KCNC2: variants seen among roughly 807,000 people sequenced by gnomAD.
KCNC2 encodes the protein voltage-gated potassium channel KCNC2.
In KCNC2, 21 loss-of-function variants were observed where a neutral mutation model predicts 44.5. The observed-to-expected ratio is 0.47, with a 90% confidence interval of 0.33 to 0.68. The LOEUF is 0.68. Among genes scored for constraint, KCNC2 ranks in the 30% least tolerant of loss-of-function variants. The probability of loss-of-function intolerance (pLI) is 0.01; values close to 1 mark genes in which losing one functional copy is unlikely to be tolerated. For missense variants in KCNC2, 589 were observed against 826.2 expected, an observed-to-expected ratio of 0.71 and a Z score of 3.52; for synonymous variants, 391 against 339.1, an observed-to-expected ratio of 1.15 and a Z score of -1.68.
intron 2 of KCNC2, among the ~76,000 whole-genome samples, chr12:75,091,257 A>C (rs1885448924): frequency 6.6e-6 from 1 of 151,766 alleles, no homozygotes; most frequent in African/African-American, 2.4e-5. Flanking sequence ...ATTATCCTTC[A>C]TTTGAATTTT....
At chr12:75,094,060 T>C (rs949408678) in intron 2 of KCNC2, among the ~76,000 whole-genome samples, 1 of 151,670 alleles carries the variant, frequency 6.6e-6, no homozygotes, top group Non-Finnish European at 1.5e-5. Flanking sequence ...GGCAAATTCT[T>C]GCTTCCCCTT....
rs566421773 is a variant in KCNC2 at position 75,041,714 on chromosome 12, G to A, written c.*1391C>T. ...CTAGGTAGTAGAAACTGACACTGCA[G>A]CAGGCAACCAAGTGCAATGGTGAAA... is the stretch of plus-strand genomic sequence containing the variant. On this transcript the variant is annotated 3_prime_UTR_variant, in exon 5 of 5. Coordinates refer to ENST00000549446, the MANE Select transcript of KCNC2 (RefSeq NM_139137.4). 49 of 993,020 alleles carry A rather than the reference G, an allele frequency of 4.9e-5. No homozygotes were observed. The African/African-American group carries it at 8.5e-4, about 17-fold the overall frequency. 61.5% of individuals were successfully genotyped at this position (993,020 alleles called of 1,614,324 possible).
intron 2 of KCNC2, among the ~76,000 whole-genome samples, chr12:75,108,561 A>G (rs1221862301): frequency 6.6e-6 from 1 of 152,210 alleles, no homozygotes; most frequent in Non-Finnish European, 1.5e-5. Flanking sequence ...CAAGTTCAGA[A>G]TTGGGACTAC....
intron 2 of KCNC2, among the ~76,000 whole-genome samples, chr12:75,181,224 G>GA (rs896128770): frequency 2.8e-4 from 42 of 151,456 alleles, no homozygotes; most frequent in Middle Eastern, 3.4e-3. Context: ...GAAATGAAAG[G>GA]AAAAAAAACA....
At chr12:75,046,864 G>A (rs891456410) in intron 4 of KCNC2, among the ~76,000 whole-genome samples, 4 of 151,856 alleles carry the variant, frequency 2.6e-5, no homozygotes, top group African/African-American at 4.8e-5. Flanking sequence ...TCTCTTTTAA[G>A]TCTCAAAGGC....
At chr12:75,059,840 T>G (rs1882129739) in intron 2 of KCNC2, among the ~76,000 whole-genome samples, 1 of 152,132 alleles carries the variant, frequency 6.6e-6, no homozygotes, top group African/African-American at 2.4e-5. Context: ...GTCATAGAGA[T>G]CTACAATAAT....
chr12:75,131,620 T>A (rs1157413714), intron 2 of KCNC2, among the ~76,000 whole-genome samples: 1 of 151,884 alleles, frequency 6.6e-6, no homozygotes, highest in African/African-American at 2.4e-5. Flanking sequence ...GAAAGAAAAG[T>A]TAAAAAAATT....
chr12:75,089,494 C>A (rs1885298316), intron 2 of KCNC2, among the ~76,000 whole-genome samples: 3 of 151,814 alleles, frequency 2.0e-5, no homozygotes, highest in Admixed American at 6.6e-5. Context: ...AAAATACAAT[C>A]CACCTATATT....
chr12:75,077,443 T>G (rs922278242), intron 2 of KCNC2, among the ~76,000 whole-genome samples: 13 of 152,166 alleles, frequency 8.5e-5, no homozygotes, highest in African/African-American at 2.9e-4. Flanking sequence ...CAAATTTTGG[T>G]TTGTTTCCTA....
chr12:75,058,417 A>G (rs190848680), intron 2 of KCNC2, among the ~76,000 whole-genome samples: 1 of 152,056 alleles, frequency 6.6e-6, no homozygotes. Flanking sequence ...ATCTAGTGTT[A>G]TAGAGTCACA....
intron 2 of KCNC2, among the ~76,000 whole-genome samples, chr12:75,056,882 G>A (rs559360351): frequency 3.3e-5 from 5 of 152,106 alleles, no homozygotes; most frequent in East Asian, 3.9e-4. Context: ...ACAATATGCA[G>A]AATGTAATCT....
At chr12:75,052,024 T>C (rs1881229865) in intron 2 of KCNC2, among the ~76,000 whole-genome samples, 1 of 152,076 alleles carries the variant, frequency 6.6e-6, no homozygotes, top group African/African-American at 2.4e-5. Flanking sequence ...TAACATACTA[T>C]AAAGCTGAAA....
rs776948684 is a variant in KCNC2 at position 75,051,161 on chromosome 12, A to G, written c.844T>C (p.Leu282=). 6.2e-7 allele frequency: 1 copy of G among 1,613,884 alleles called. No homozygotes were observed. The highest frequency in any genetic ancestry group is 8.5e-7 in the Non-Finnish European group (1 of 1,179,812). The change falls in exon 3 of 5, where the codon TTG becomes CTG. Residue 282 remains leucine, a synonymous_variant. Transcript: ENST00000549446. ...LQYEIETDPA[L]TYVEGVCVVW... is the part of the protein sequence containing the mutation. The stretch of plus-strand genomic sequence containing the variant: ...ACACACACTCCTTCTACATACGTCA[A>G]GGCAGGATCCGTTTCAATTTCATAC...
At chr12:75,204,458 A>C (rs1383311244) in intron 2 of KCNC2, among the ~76,000 whole-genome samples, 2 of 152,048 alleles carry the variant, frequency 1.3e-5, no homozygotes, top group Non-Finnish European at 2.9e-5. Context: ...TTGGAGAAAA[A>C]AGAAAATTGT....
intron 2 of KCNC2, among the ~76,000 whole-genome samples, chr12:75,060,609 G>A (rs1241195538): frequency 1.3e-5 from 2 of 151,908 alleles, no homozygotes; most frequent in African/African-American, 2.4e-5. Flanking sequence ...GGGATTACAT[G>A]CATGTGCCAC....
At chr12:75,134,951 T>C (rs1217598682) in intron 2 of KCNC2, among the ~76,000 whole-genome samples, 2 of 151,882 alleles carry the variant, frequency 1.3e-5, no homozygotes, top group African/African-American at 4.8e-5. Context: ...CTTTATATAA[T>C]TATAATTACA....
intron 2 of KCNC2, among the ~76,000 whole-genome samples, chr12:75,072,467 C>T (rs905704765): frequency 4.1e-4 from 63 of 152,128 alleles, no homozygotes; most frequent in African/African-American, 1.4e-3. Context: ...ATGTCTCAGA[C>T]CTTTCAGGGA....
intron 2 of KCNC2, among the ~76,000 whole-genome samples, chr12:75,189,095 T>C (rs1217079241): frequency 6.6e-6 from 1 of 152,096 alleles, no homozygotes; most frequent in African/African-American, 2.4e-5. Flanking sequence ...ATTTTAAAAC[T>C]CCCTTCAGCT....
At chr12:75,160,735 T>A (rs1157013276) in intron 2 of KCNC2, among the ~76,000 whole-genome samples, 1 of 151,820 alleles carries the variant, frequency 6.6e-6, no homozygotes, top group African/African-American at 2.4e-5. Context: ...ATTCGCTACA[T>A]CATGAGATAA....
Sources: allele counts gnomAD v4.1 joint callset (sites outside exome capture counted in the v4.1 genomes callset), GRCh38; gene constraint gnomAD v4.1.1; transcripts MANE v1.5; gene names NCBI Gene and HGNC (gene_info 2026-07-23, HGNC 2026-07-21).